The following PAPPA2 variants were observed in gnomAD, a reference collection of about 807,000 sequenced individuals.
The protein encoded by PAPPA2 is pappalysin 2.
Under a neutral mutation model 176.4 loss-of-function variants are expected in PAPPA2, and 86 were observed. That is an observed-to-expected ratio of 0.49 (90% CI 0.41 to 0.58). The LOEUF (loss-of-function observed/expected upper bound fraction) is 0.58, where lower values mean the gene tolerates loss of function less well. Ranked by LOEUF, PAPPA2 falls within the 20% of genes least tolerant of loss-of-function variation. The pLI, the probability that PAPPA2 is intolerant of heterozygous loss-of-function variation, is 0.00. For missense variants in PAPPA2, 2,073 were observed against 2,256.9 expected, an observed-to-expected ratio of 0.92 and a Z score of 1.65; for synonymous variants, 809 against 852.2, an observed-to-expected ratio of 0.95 and a Z score of 0.88.
intron 4 of PAPPA2, among the ~76,000 whole-genome samples, chr1:176,689,243 C>G (rs1659985995): frequency 6.6e-6 from 1 of 152,190 alleles, no homozygotes; most frequent in Non-Finnish European, 1.5e-5. Flanking sequence ...TTCCAACAAG[C>G]TACACAGATA....
At chr1:176,464,377 A>G (rs1016629550) in intron 1 of PAPPA2, among the ~76,000 whole-genome samples, 1 of 152,144 alleles carries the variant, frequency 6.6e-6, no homozygotes, top group Non-Finnish European at 1.5e-5. Flanking sequence ...ACAAGTATTT[A>G]TTGAGCACCT....
chr1:176,795,062 C>G (rs530254286), intron 20 of PAPPA2, among the ~76,000 whole-genome samples: 1 of 152,322 alleles, frequency 6.6e-6, no homozygotes, highest in East Asian at 1.9e-4. Context: ...AGATCAAAGG[C>G]CTCTGCCCAA....
intron 1 of PAPPA2, among the ~76,000 whole-genome samples, chr1:176,484,849 G>C (rs147593833): frequency 6.6e-6 from 1 of 152,158 alleles, no homozygotes; most frequent in Non-Finnish European, 1.5e-5. Context: ...TCTGAGTGTG[G>C]TTTTTATTCC....
At chr1:176,780,791 T>C (rs1211872767) in intron 17 of PAPPA2, among the ~76,000 whole-genome samples, 4 of 152,172 alleles carry the variant, frequency 2.6e-5, no homozygotes, top group Non-Finnish European at 5.9e-5. Context: ...AGTAATTGAA[T>C]GGTTAAAGAA....
At chr1:176,603,926 T>G (rs1654469619) in intron 3 of PAPPA2, among the ~76,000 whole-genome samples, 1 of 152,198 alleles carries the variant, frequency 6.6e-6, no homozygotes, top group Non-Finnish European at 1.5e-5. Context: ...ACCAGCTTAT[T>G]CAGAATCAAA....
chr1:176,745,719 C>A (rs534394850), intron 14 of PAPPA2, among the ~76,000 whole-genome samples: 9 of 152,274 alleles, frequency 5.9e-5, no homozygotes, highest in African/African-American at 1.7e-4. Flanking sequence ...GTGGAAGAGG[C>A]TCCCAACCCA....
At chr1:176,597,120 G>T (rs982901508) in intron 3 of PAPPA2, among the ~76,000 whole-genome samples, 1 of 152,142 alleles carries the variant, frequency 6.6e-6, no homozygotes, top group African/African-American at 2.4e-5. Context: ...CAAGCATGTG[G>T]TATCAAAAAT....
At chr1:176,819,241 G>C (rs1449337999) in intron 21 of PAPPA2, among the ~76,000 whole-genome samples, 1 of 152,146 alleles carries the variant, frequency 6.6e-6, no homozygotes, top group Non-Finnish European at 1.5e-5. Context: ...AAATTTTGCT[G>C]ACTTGAGAAG....
At chr1:176,482,008 G>A (rs893662548) in intron 1 of PAPPA2, among the ~76,000 whole-genome samples, 5 of 152,150 alleles carry the variant, frequency 3.3e-5, no homozygotes, top group South Asian at 2.1e-4. Context: ...CACCACAGCC[G>A]GACAAGAATA....
chr1:176,475,657 A>G lies in PAPPA2; in HGVS notation c.-917+12239A>G, dbSNP rs1378704243. ...ACCAGACAGGTTAAATAATTGAAAA[A>G]TGTCATCCAGTAATATCTTGACTGG... On this transcript the variant is annotated intron_variant, in intron 1 of 22. Transcript: ENST00000367662. Among the ~76,000 whole-genome samples the G allele has an allele frequency of 3.3e-5, 5 of 152,372 alleles. No individual in the cohort carries two copies. In the South Asian group the frequency reaches 6.2e-4, roughly 19 times the overall value.
At chr1:176,605,863 T>A (rs1654583367) in intron 3 of PAPPA2, among the ~76,000 whole-genome samples, 1 of 152,152 alleles carries the variant, frequency 6.6e-6, no homozygotes, top group Non-Finnish European at 1.5e-5. Context: ...CTTTACTACT[T>A]GAGGATGAAG....
chr1:176,497,102 T>C (rs1201455147), intron 1 of PAPPA2, among the ~76,000 whole-genome samples: 2 of 152,224 alleles, frequency 1.3e-5, no homozygotes, highest in Non-Finnish European at 2.9e-5. Context: ...AAATATTGTG[T>C]TGCTTTGGCT....
chr1:176,749,124 G>A (rs532906564), intron 14 of PAPPA2, among the ~76,000 whole-genome samples: 1 of 47,696 alleles, frequency 2.1e-5, no homozygotes, highest in East Asian at 7.8e-4. Flanking sequence ...ATGTGTGTGT[G>A]TATGTATGTG....
chr1:176,704,453 T>A (rs546138021), intron 9 of PAPPA2, among the ~76,000 whole-genome samples: 20 of 152,198 alleles, frequency 1.3e-4, no homozygotes, highest in Non-Finnish European at 2.4e-4. Context: ...TGCAGGGCCC[T>A]GAAATTATAA....
intron 12 of PAPPA2, among the ~76,000 whole-genome samples, chr1:176,733,476 C>T (rs1662255229): frequency 6.6e-6 from 1 of 152,094 alleles, no homozygotes; most frequent in African/African-American, 2.4e-5. Flanking sequence ...GGGTAAAGCA[C>T]TCATTTCCCT....
chr1:176,476,659 C>A (rs79804130), intron 1 of PAPPA2, among the ~76,000 whole-genome samples: 5 of 152,056 alleles, frequency 3.3e-5, no homozygotes, highest in African/African-American at 9.7e-5. Context: ...CTTCAAGAAG[C>A]CTTTTCATTT....
chr1:176,561,121 G>A (rs185333762), intron 2 of PAPPA2, among the ~76,000 whole-genome samples: 3 of 152,198 alleles, frequency 2.0e-5, no homozygotes, highest in East Asian at 1.9e-4. Flanking sequence ...CATCTCTGAC[G>A]CTTATCAGGG....
At chr1:176,659,099 G>A (rs976363878) in intron 3 of PAPPA2, among the ~76,000 whole-genome samples, 7 of 151,978 alleles carry the variant, frequency 4.6e-5, no homozygotes, top group Non-Finnish European at 7.4e-5. Flanking sequence ...AACTAAGAAT[G>A]GAGATATGGG....
At chr1:176,463,575 G>A (rs999258780) in intron 1 of PAPPA2, among the ~76,000 whole-genome samples, 157 bp downstream of exon 1, 1 of 152,204 alleles carries the variant, frequency 6.6e-6, no homozygotes, top group Non-Finnish European at 1.5e-5. Flanking sequence ...GCGGGGATGA[G>A]CATCTCCCTT....
Sources: allele counts gnomAD v4.1 joint callset (sites outside exome capture counted in the v4.1 genomes callset), GRCh38; gene constraint gnomAD v4.1.1; transcripts MANE v1.5; gene names NCBI Gene and HGNC (gene_info 2026-07-23, HGNC 2026-07-21).